Variants in SCD5 observed in about 807,000 individuals in gnomAD.
The protein encoded by SCD5 is stearoyl-CoA desaturase 5.
In SCD5, 20 loss-of-function variants were observed where a neutral mutation model predicts 30.4. That is an observed-to-expected ratio of 0.66 (90% confidence interval 0.46 to 0.96). SCD5 has a LOEUF of 0.96. SCD5 is among the 40% of genes least tolerant of loss of function. SCD5 has a pLI of 0.00. For missense variants in SCD5, 381 were observed against 443.3 expected (o/e 0.86, Z 1.26); for synonymous variants, 173 against 176.4 (o/e 0.98, Z 0.16).
At chr4:82,681,120 A>G (rs542629953) in intron 2 of SCD5, among the ~76,000 whole-genome samples, 7 of 152,184 alleles carry the variant, frequency 4.6e-5, no homozygotes, top group African/African-American at 1.7e-4. Context: ...TTCACTTAGC[A>G]GGGATCTCAG....
chr4:82,717,658 G>C (rs913441805), intron 1 of SCD5, among the ~76,000 whole-genome samples: 2 of 151,618 alleles, frequency 1.3e-5, no homozygotes, highest in Non-Finnish European at 2.9e-5. Context: ...GCTCACGCCT[G>C]TAATCCCAGC....
intron 1 of SCD5, among the ~76,000 whole-genome samples, chr4:82,706,060 C>G (rs373943293): frequency 1.2e-4 from 19 of 152,362 alleles, no homozygotes; most frequent in African/African-American, 2.6e-4. Context: ...AAACAACAAT[C>G]TGCCCACAAA....
At chr4:82,690,922 G>A (rs536471140) in intron 2 of SCD5, among the ~76,000 whole-genome samples, 7 of 152,328 alleles carry the variant, frequency 4.6e-5, no homozygotes, top group Admixed American at 2.6e-4. Flanking sequence ...CAACATAAGC[G>A]AAATAATTTT....
At chr4:82,730,817 C>T (rs1720626346) in intron 1 of SCD5, among the ~76,000 whole-genome samples, 2 of 152,022 alleles carry the variant, frequency 1.3e-5, no homozygotes, top group South Asian at 2.1e-4. Context: ...GTCTCCTGAC[C>T]TCGTAATCCG....
At chr4:82,632,864 T>C (rs755545703) in intron 4 of SCD5, among the ~76,000 whole-genome samples, 1 of 152,208 alleles carries the variant, frequency 6.6e-6, no homozygotes, top group Non-Finnish European at 1.5e-5. Context: ...TATTTTTTAA[T>C]TGACAAATAA....
At chr4:82,718,937 T>C (rs754940201) in intron 1 of SCD5, among the ~76,000 whole-genome samples, 10 of 151,648 alleles carry the variant, frequency 6.6e-5, no homozygotes, top group Admixed American at 1.3e-4. Context: ...TATTCATTCA[T>C]TCCTTCTCAA....
chr4:82,723,607 T>C (rs1413700922), intron 1 of SCD5, among the ~76,000 whole-genome samples: 1 of 152,180 alleles, frequency 6.6e-6, no homozygotes, highest in African/African-American at 2.4e-5. Flanking sequence ...AACTTTAAAG[T>C]GGAACAAGCA....
At chr4:82,785,319 T>G (rs1721962916) in intron 1 of SCD5, among the ~76,000 whole-genome samples, 1 of 152,210 alleles carries the variant, frequency 6.6e-6, no homozygotes, top group Non-Finnish European at 1.5e-5. Flanking sequence ...CCTCCCCTCT[T>G]TATAAGGAAA....
At chr4:82,786,806 A>AC (rs1415259529) in intron 1 of SCD5, among the ~76,000 whole-genome samples, 1 of 151,536 alleles carries the variant, frequency 6.6e-6, no homozygotes, top group Non-Finnish European at 1.5e-5. Flanking sequence ...AAAAAAAAAA[A>AC]AAAAACAAGG....
At chr4:82,714,119 T>C (rs1720170361) in intron 1 of SCD5, among the ~76,000 whole-genome samples, 1 of 152,200 alleles carries the variant, frequency 6.6e-6, no homozygotes, top group African/African-American at 2.4e-5. Context: ...CCCACATACT[T>C]ACATTATTCC....
chr4:82,785,125 C>G (rs1012293350), intron 1 of SCD5, among the ~76,000 whole-genome samples: 13 of 152,206 alleles, frequency 8.5e-5, no homozygotes, highest in Non-Finnish European at 1.5e-4. Flanking sequence ...CACCACCCCC[C>G]ATCCCCCCAG....
chr4:82,711,039 G>T (rs13109956), intron 1 of SCD5, among the ~76,000 whole-genome samples: 6 of 151,950 alleles, frequency 3.9e-5, no homozygotes, highest in Admixed American at 2.0e-4. Flanking sequence ...GTGTAAAGTA[G>T]GGAAAATAGT....
rs576259247 is a variant in SCD5 at position 82,700,672 on chromosome 4, A to C, written c.363+4611T>G. 8.1e-4 allele frequency among the ~76,000 whole-genome samples: 123 copies of C among 152,070 alleles called. 5 individuals are homozygous for C. The South Asian group carries it at 0.025, about 31-fold the overall frequency. On this transcript the variant is annotated intron_variant, in intron 2 of 4. Transcript: ENST00000319540. ...TGTGGTGCTATGTGCCTATAGTCCT[A>C]GCTACTAGGGAGGCTGAGGTGGGAG...
chr4:82,648,521 C>T (rs777765889), intron 3 of SCD5, among the ~76,000 whole-genome samples: 1 of 58,046 alleles, frequency 1.7e-5, no homozygotes, highest in Non-Finnish European at 3.2e-5. Context: ...CGAGAAACAA[C>T]AGTGGATGCT....
intron 1 of SCD5, among the ~76,000 whole-genome samples, chr4:82,715,758 A>G (rs1437935203): frequency 1.3e-5 from 2 of 151,798 alleles, no homozygotes; most frequent in Non-Finnish European, 2.9e-5. Context: ...GAAAGTTAAG[A>G]ACTCTTAGCT....
chr4:82,679,776 A>G (rs1027013288), intron 3 of SCD5, among the ~76,000 whole-genome samples: 4 of 152,096 alleles, frequency 2.6e-5, no homozygotes, highest in Non-Finnish European at 1.5e-5. Flanking sequence ...GTCCTAAGCC[A>G]TCCTTCCTTT....
At chr4:82,745,366 A>G (rs1203407382) in intron 1 of SCD5, among the ~76,000 whole-genome samples, 1 of 152,204 alleles carries the variant, frequency 6.6e-6, no homozygotes, top group African/African-American at 2.4e-5. Context: ...CCTCAGCGGG[A>G]GGCCAAATCC....
chr4:82,734,204 A>G (rs1221762122), intron 1 of SCD5, among the ~76,000 whole-genome samples: 1 of 152,204 alleles, frequency 6.6e-6, no homozygotes, highest in Non-Finnish European at 1.5e-5. Context: ...TGGCTTGATG[A>G]AGGAGGCAAA....
Position 82,798,508 on chromosome 4 carries a change from C to G in SCD5, c.30G>C (p.Lys10Asn). 1 of 1,607,298 alleles carries G rather than the reference C, an allele frequency of 6.2e-7. No homozygotes were observed. Among genetic ancestry groups the G allele is most frequent in the East Asian group, 2.2e-5 (1 of 44,576 alleles). MPGPATDAGKIPFCDAKEEI... is the reference protein window; with the variant it reads MPGPATDAGNIPFCDAKEEI... Reference sequence around the variant, plus strand: ...CTTCCTTGGCGTCGCAGAAAGGGATCTTCCCCGCGTCGGTGGCCGGGCCTG... The same window carrying G: ...CTTCCTTGGCGTCGCAGAAAGGGATGTTCCCCGCGTCGGTGGCCGGGCCTG... Residue 10 changes from lysine (K) to asparagine (N), a missense_variant, in exon 1 of 5, where the codon AAG (lysine) becomes AAC (asparagine). Physicochemically the swap from Lys to Asn is moderately conservative, Grantham distance 94 (BLOSUM62 0). Transcript: ENST00000319540.
Sources: gnomAD v4.1 joint callset for allele counts (sites outside exome capture counted in the v4.1 genomes callset) on GRCh38, gnomAD v4.1.1 for gene constraint, MANE v1.5 for transcripts, NCBI Gene and HGNC (gene_info 2026-07-23, HGNC 2026-07-21) for gene names.